WWOX: variants seen among roughly 807,000 people sequenced by gnomAD.
WWOX encodes WW domain-containing oxidoreductase.
WWOX carries 69 observed loss-of-function variants against 46.2 expected under a neutral mutation model. The observed-to-expected ratio is 1.49, with a 90% CI of 1.23 to 1.82. WWOX has a LOEUF of 1.82. Ranked by LOEUF, WWOX falls within the 40% of genes most tolerant of loss-of-function variation. WWOX has a pLI of 0.00. For missense variants in WWOX, 919 were observed against 542.6 expected, an observed-to-expected ratio of 1.69 and a Z score of -6.89; for synonymous variants, 359 against 202.6, an observed-to-expected ratio of 1.77 and a Z score of -6.56.
At chr16:79,064,006 A>G (rs2048399371) in intron 8 of WWOX, among the ~76,000 whole-genome samples, 1 of 152,230 alleles carries the variant, frequency 6.6e-6, no homozygotes, top group Non-Finnish European at 1.5e-5. Context: ...CCATTTGAGG[A>G]CAAGTTGCCA....
Position 78,444,253 on chromosome 16 carries a change from C to G in WWOX, c.1056+11501C>G, listed in dbSNP as rs2083508893. ...CTAATGTAATTTTAGAGTGTGTTCT[C>G]TTTAGATAATTGTGTGTCTCTGAGC... On this transcript the variant is annotated intron_variant, in intron 8 of 8. Coordinates refer to ENST00000566780, the MANE Select transcript of WWOX (RefSeq NM_016373.4). Among the ~76,000 whole-genome samples, 2 of 152,128 alleles carry G rather than the reference C, an allele frequency of 1.3e-5. 1 individual carries two copies. Among genetic ancestry groups the G allele is most frequent in the South Asian group, 4.1e-4 (2 of 4,822 alleles).
intron 4 of WWOX, among the ~76,000 whole-genome samples, chr16:78,144,140 C>A (rs569560652): frequency 2.0e-5 from 3 of 151,880 alleles, no homozygotes; most frequent in Middle Eastern, 3.4e-3. Flanking sequence ...CTGATTATTG[C>A]GTTATTTTAA....
At chr16:78,384,736 C>T (rs1330847867) in intron 5 of WWOX, among the ~76,000 whole-genome samples, 4 of 152,214 alleles carry the variant, frequency 2.6e-5, no homozygotes, top group Admixed American at 6.5e-5. Flanking sequence ...GCCACTGTTA[C>T]CCAAGACCAG....
chr16:78,312,330 G>T (rs1421011174), intron 5 of WWOX, among the ~76,000 whole-genome samples: 2 of 150,062 alleles, frequency 1.3e-5, no homozygotes, highest in Non-Finnish European at 3.0e-5. Context: ...CTTCAAGTAA[G>T]GAAACACTTA....
intron 8 of WWOX, among the ~76,000 whole-genome samples, chr16:78,728,816 G>C (rs1028852892): frequency 6.6e-6 from 1 of 152,140 alleles, no homozygotes; most frequent in Non-Finnish European, 1.5e-5. Context: ...AATATGCTAT[G>C]GGACCTCAGG....
intron 8 of WWOX, among the ~76,000 whole-genome samples, chr16:78,542,278 C>G (rs1227251366): frequency 1.3e-5 from 2 of 151,964 alleles, no homozygotes; most frequent in African/African-American, 4.8e-5. Flanking sequence ...ACTGTAGATA[C>G]TTGGGTAAGG....
intron 8 of WWOX, chr16:79,016,233 A>G (rs952806264): frequency 3.3e-5 from 5 of 152,214 alleles, no homozygotes; most frequent in African/African-American, 4.8e-5. Context: ...AATGAGTACA[A>G]TGAAATCATT....
chr16:78,714,436 C>T (rs540979504), intron 8 of WWOX, among the ~76,000 whole-genome samples: 1 of 152,004 alleles, frequency 6.6e-6, no homozygotes, highest in East Asian at 1.9e-4. Flanking sequence ...GAAAGACCTG[C>T]CCCCATGATT....
intron 8 of WWOX, among the ~76,000 whole-genome samples, chr16:78,723,612 CT>C (rs747176382): frequency 3.4e-5 from 4 of 117,304 alleles, no homozygotes; most frequent in African/African-American, 1.4e-4. Context: ...CTTTTCTTTT[CT>C]TTTCTTTTCT....
intron 8 of WWOX, among the ~76,000 whole-genome samples, chr16:78,814,762 G>C (rs921945771): frequency 6.6e-6 from 1 of 152,194 alleles, no homozygotes; most frequent in Non-Finnish European, 1.5e-5. Context: ...CAGTGTATAA[G>C]ACATTACAGC....
chr16:78,510,166 G>A lies in WWOX; in HGVS notation c.1056+77414G>A, dbSNP rs576731447. Among the ~76,000 whole-genome samples the A allele has an allele frequency of 2.2e-4, 33 of 152,292 alleles. 1 individual carries two copies. Among genetic ancestry groups the A allele is most frequent in the Admixed American group, 7.2e-4 (11 of 15,296 alleles). On this transcript the variant is annotated intron_variant, in intron 8 of 8. Transcript: ENST00000566780. ...CTTAGGAGTCACTTATGCCCTTGAAGAGTGAGTGATGTATCAAAATATGTC... is the reference window on the plus strand; with the variant it reads ...CTTAGGAGTCACTTATGCCCTTGAAAAGTGAGTGATGTATCAAAATATGTC...
chr16:78,878,989 C>A (rs768193672), intron 8 of WWOX, among the ~76,000 whole-genome samples: 3 of 150,582 alleles, frequency 2.0e-5, no homozygotes, highest in Admixed American at 2.0e-4. Flanking sequence ...ATCGCTTGAG[C>A]CCAGGAATTT....
intron 8 of WWOX, among the ~76,000 whole-genome samples, chr16:78,517,929 G>C (rs1294202307): frequency 8.1e-6 from 1 of 122,942 alleles, no homozygotes; most frequent in Non-Finnish European, 1.6e-5. Flanking sequence ...TCATCCTTTA[G>C]TCTTTTCTTT....
intron 5 of WWOX, among the ~76,000 whole-genome samples, chr16:78,254,516 T>TTTTTTTTTTTG (rs1436220393): frequency 5.0e-5 from 7 of 139,144 alleles, no homozygotes; most frequent in African/African-American, 1.7e-4. Context: ...TTTTTTTTTT[T>TTTTTTTTTTTG]TTTGTTTGAC....
intron 8 of WWOX, among the ~76,000 whole-genome samples, chr16:78,869,014 A>C (rs2044068553): frequency 1.3e-5 from 2 of 152,300 alleles, no homozygotes; most frequent in East Asian, 1.9e-4. Context: ...ACAAAGGCCA[A>C]AGTTTTAAAG....
In WWOX at chr16:78,791,435, G is replaced by T. The variant is rs373434880; in HGVS notation, c.1056+358683G>T. Among the ~76,000 whole-genome samples the T allele has an allele frequency of 3.9e-5, 6 of 152,148 alleles. No homozygotes were observed. In the East Asian group the frequency reaches 7.7e-4, roughly 20 times the overall value. On this transcript the variant is annotated intron_variant, in intron 8 of 8. Coordinates refer to ENST00000566780, the MANE Select transcript of WWOX (RefSeq NM_016373.4). ...CATTCATCTCCTGAAACGTAATTTG[G>T]AGGAGACTGTTCCAGGGCTGGCTGA...
intron 5 of WWOX, among the ~76,000 whole-genome samples, chr16:78,184,270 G>A (rs571670761): frequency 2.3e-4 from 34 of 145,750 alleles, no homozygotes; most frequent in African/African-American, 8.4e-4. Flanking sequence ...TTGGAGAAGT[G>A]TTTTCATATT....
intron 8 of WWOX, among the ~76,000 whole-genome samples, chr16:78,703,700 A>T (rs1050706641): frequency 2.1e-4 from 32 of 152,058 alleles, no homozygotes; most frequent in African/African-American, 7.7e-4. Context: ...TAACTCGGAA[A>T]TTTCAAATGC....
chr16:78,141,430 C>CTTTTTT (rs10639685), intron 4 of WWOX, among the ~76,000 whole-genome samples: 18 of 118,924 alleles, frequency 1.5e-4, no homozygotes, highest in South Asian at 2.8e-4. Flanking sequence ...CATCCCCCTT[C>CTTTTTT]TTTTTTTTTT....
Sources: allele counts gnomAD v4.1 joint callset (sites outside exome capture counted in the v4.1 genomes callset), GRCh38; gene constraint gnomAD v4.1.1; transcripts MANE v1.5; gene names NCBI Gene and HGNC (gene_info 2026-07-23, HGNC 2026-07-21).